Variants in OR11A1 observed in about 807,000 individuals in gnomAD.
The protein encoded by OR11A1 is olfactory receptor 11A1.
For missense variants in OR11A1, 380 were observed against 378.2 expected, an observed-to-expected ratio of 1.00 and a Z score of -0.04; for synonymous variants, 158 against 152.2, an observed-to-expected ratio of 1.04 and a Z score of -0.28.
At chr6:29,431,472 G>T (rs1380836272) in intron 2 of OR11A1, among the ~76,000 whole-genome samples, 3 of 152,124 alleles carry the variant, frequency 2.0e-5, no homozygotes, top group Non-Finnish European at 4.4e-5. Context: ...TGGGATAGCA[G>T]GAGGAAAACT....
At position 29,426,159 on chromosome 6, in the gene OR11A1, T is replaced by A. The variant is rs924846037; in HGVS notation, c.*535A>T. 6 of 152,740 alleles carry A rather than the reference T, an allele frequency of 3.9e-5. No homozygotes were observed. Among genetic ancestry groups the A allele is most frequent in the African/African-American group, 1.4e-4 (6 of 41,458 alleles). 9.5% of individuals were successfully genotyped at this position (152,740 alleles called of 1,614,324 possible). A position where few individuals can be genotyped will look rare whatever the true frequency, so the allele number is the denominator to read the frequency against. On this transcript the variant is annotated 3_prime_UTR_variant, in exon 5 of 5. Coordinates refer to ENST00000377149, the MANE Select transcript of OR11A1 (RefSeq NM_001394828.1). Reference sequence around the variant, plus strand: ...ATTTCTAGGTTTATTTTGGTATTGCTGTATTATTTTTAAATATTTATGACA... The same window carrying A: ...ATTTCTAGGTTTATTTTGGTATTGCAGTATTATTTTTAAATATTTATGACA...
intron 1 of OR11A1, among the ~76,000 whole-genome samples, chr6:29,455,042 A>G (rs1785906000): frequency 6.6e-6 from 1 of 152,206 alleles, no homozygotes; most frequent in South Asian, 2.1e-4. Context: ...AAATAAACAT[A>G]TAAGCTAGAA....
At chr6:29,454,504 T>C (rs760076691) in intron 1 of OR11A1, among the ~76,000 whole-genome samples, 4 of 152,204 alleles carry the variant, frequency 2.6e-5, no homozygotes, top group Non-Finnish European at 5.9e-5. Context: ...TGATTAAGTG[T>C]TGGCAAGAAT....
At chr6:29,440,118 C>T in intron 1 of OR11A1, 1 of 1,613,442 alleles carries the variant, frequency 6.2e-7, no homozygotes, top group East Asian at 2.2e-5. Flanking sequence ...CACTATCTAC[C>T]TGCTGACCGT....
At chr6:29,431,333 AT>A (rs1384198625) in intron 2 of OR11A1, among the ~76,000 whole-genome samples, 5 of 152,138 alleles carry the variant, frequency 3.3e-5, no homozygotes, top group Non-Finnish European at 5.9e-5. Flanking sequence ...ATTCAGTTTG[AT>A]TTTTTTAATC....
At chr6:29,456,445 G>A (rs1477780054) in intron 1 of OR11A1, among the ~76,000 whole-genome samples, 1 of 151,522 alleles carries the variant, frequency 6.6e-6, no homozygotes, top group Non-Finnish European at 1.5e-5. Context: ...GGAAGGCAGA[G>A]TTTTCAGTGA....
rs1782905879 is a variant in OR11A1 at position 29,427,385 on chromosome 6, C to A, written c.257G>T (p.Gly86Val). ...AGAGATAGTTGCTTCTTGCAGGAAGCCCTCCAGCATTTTTGGCATCACTGC... is the reference window on the plus strand; with the variant it reads ...AGAGATAGTTGCTTCTTGCAGGAAGACCTCCAGCATTTTTGGCATCACTGC... ...TSAVMPKMLEGFLQEATISVA... is the reference protein window; with the variant it reads ...TSAVMPKMLEVFLQEATISVA... The change falls in exon 5 of 5, where the codon GGC (glycine) becomes GTC (valine). Residue 86 changes from glycine to valine, a missense_variant. Physicochemically the swap from Gly to Val is moderately radical, Grantham distance 109. Transcript: ENST00000377149. 1 of 1,613,054 alleles carries A rather than the reference C, an allele frequency of 6.2e-7. No individual in the cohort carries two copies. The highest frequency in any genetic ancestry group is 1.1e-5 in the South Asian group (1 of 91,080).
chr6:29,445,387 G>A (rs61016108), intron 1 of OR11A1, among the ~76,000 whole-genome samples: 7,701 of 152,206 alleles, frequency 0.051, 375 homozygotes, highest in African/African-American at 0.12. Flanking sequence ...TCAGATGGAA[G>A]GGAAGGGAGA....
At chr6:29,444,098 C>G (rs1426553737) in intron 1 of OR11A1, among the ~76,000 whole-genome samples, 1 of 152,046 alleles carries the variant, frequency 6.6e-6, no homozygotes, top group Non-Finnish European at 1.5e-5. Context: ...TGGGAGGGAC[C>G]TGGTGAGAGA....
At position 29,451,147 on chromosome 6, in the gene OR11A1, G is replaced by A. The variant is rs577537614; in HGVS notation, c.-389+5840C>T. On this transcript the variant is annotated intron_variant, in intron 1 of 4. Coordinates refer to ENST00000377149, the MANE Select transcript of OR11A1 (RefSeq NM_001394828.1). Reference sequence around the variant, plus strand: ...ATGGTGCTGGGCTAACTGGCTAGCCGTATTAGGAAGATTGAAACTGGACCC... The same window carrying A: ...ATGGTGCTGGGCTAACTGGCTAGCCATATTAGGAAGATTGAAACTGGACCC... 1.6e-4 allele frequency among the ~76,000 whole-genome samples: 24 copies of A among 152,298 alleles called. 2 individuals carry two copies. The highest frequency in any genetic ancestry group is 4.1e-4 in the South Asian group (2 of 4,820).
chr6:29,440,226 G>A, intron 1 of OR11A1: 1 of 1,613,940 alleles, frequency 6.2e-7, no homozygotes, highest in South Asian at 1.1e-5. Context: ...CTTGGAGATT[G>A]GCTATACGTC....
At chr6:29,428,849 G>A in intron 4 of OR11A1, 64 bp downstream of exon 4, 1 of 550,396 alleles carries the variant, frequency 1.8e-6, no homozygotes, top group Non-Finnish European at 2.3e-6. Context: ...GAAAGCATAT[G>A]CAAAAGCAAA....
intron 1 of OR11A1, chr6:29,439,761 T>A: frequency 1.8e-6 from 1 of 556,042 alleles, no homozygotes; most frequent in Non-Finnish European, 3.2e-6. Context: ...ATAGGCACTA[T>A]CAGGAAGAGA....
chr6:29,432,845 C>T (rs368232999), intron 1 of OR11A1, among the ~76,000 whole-genome samples: 3 of 152,060 alleles, frequency 2.0e-5, no homozygotes, highest in African/African-American at 4.8e-5. Context: ...CCTGACCAAC[C>T]GAGAACACTT....
Position 29,428,944 on chromosome 6 carries a change from C to T in OR11A1, c.-123G>A. 1 of 974,200 alleles carries T rather than the reference C, an allele frequency of 1.0e-6. No homozygotes were observed. Among genetic ancestry groups the T allele is most frequent in the Non-Finnish European group, 1.2e-6 (1 of 820,462 alleles). The allele number at this position is 974,200 out of a possible 1,614,324, so 60.3% of individuals were successfully genotyped here. ...GAAGGTTTTCATATGCTATTCAAAG[C>T]AATATGTGTTTATTAACTGAAGACA... On this transcript the variant is annotated 5_prime_UTR_variant, in exon 4 of 5. Transcript: ENST00000377149.
intron 1 of OR11A1, among the ~76,000 whole-genome samples, chr6:29,450,853 G>C (rs1229635369): frequency 6.6e-6 from 1 of 152,124 alleles, no homozygotes; most frequent in Non-Finnish European, 1.5e-5. Context: ...CACAGAACTA[G>C]AAACAACTAT....
Position 29,433,355 on chromosome 6 carries a change from CT to C in OR11A1, c.-388-1369del, listed in dbSNP as rs548494873. 3.5e-4 allele frequency among the ~76,000 whole-genome samples: 53 copies of C among 152,292 alleles called. 1 individual carries two copies. The South Asian group carries it at 9.5e-3, about 27-fold the overall frequency. On this transcript the variant is annotated intron_variant, in intron 1 of 4. Transcript: ENST00000377149. ...CAATTTTCTCCCTTTCTTCCAGCCC[CT>C]GGTAACCACCATTCTATTCTCTGTT...
chr6:29,437,592 A>C (rs1783737457), intron 1 of OR11A1, among the ~76,000 whole-genome samples: 1 of 144,176 alleles, frequency 6.9e-6, no homozygotes, highest in Non-Finnish European at 1.5e-5. Context: ...ATCTGGAACG[A>C]TGTCATCTCC....
At chr6:29,434,104 C>G (rs73398939) in intron 1 of OR11A1, among the ~76,000 whole-genome samples, 7,716 of 152,176 alleles carry the variant, frequency 0.051, 380 homozygotes, top group African/African-American at 0.12. Context: ...AATATTTTCT[C>G]TCAACCTGTG....
Sources: gnomAD v4.1 joint callset for allele counts (sites outside exome capture counted in the v4.1 genomes callset) on GRCh38, gnomAD v4.1.1 for gene constraint, MANE v1.5 for transcripts, NCBI Gene and HGNC (gene_info 2026-07-23, HGNC 2026-07-21) for gene names.